KIRREL3: variants seen among roughly 807,000 people sequenced by gnomAD.
The protein encoded by KIRREL3 is kin of IRRE-like protein 3.
KIRREL3 carries 36 observed loss-of-function variants against 89.7 expected under a neutral mutation model. The ratio of observed to expected loss-of-function variants is 0.40; its 90% CI spans 0.31 to 0.53. KIRREL3 has a LOEUF of 0.53. Ranked by LOEUF, KIRREL3 falls within the 20% of genes least tolerant of loss-of-function variation. The probability of loss-of-function intolerance (pLI) is 0.49; values close to 1 mark genes in which losing one functional copy is unlikely to be tolerated. For synonymous variants in KIRREL3, 445 were observed against 441.4 expected, an observed-to-expected ratio of 1.01 and a Z score of -0.10; for missense variants, 864 against 1,056.6, an observed-to-expected ratio of 0.82 and a Z score of 2.53.
At chr11:126,732,385 C>G (rs1948654202) in intron 1 of KIRREL3, among the ~76,000 whole-genome samples, 1 of 152,170 alleles carries the variant, frequency 6.6e-6, no homozygotes, top group African/African-American at 2.4e-5. Context: ...ATGAGGACCC[C>G]TGAGAAAATA....
rs1382562785 is a variant in KIRREL3 at position 126,523,445 on chromosome 11, T to A, written c.284-1981A>T. Among the ~76,000 whole-genome samples, 1 of 151,988 alleles carries A rather than the reference T, an allele frequency of 6.6e-6. No individual in the cohort carries two copies. Among genetic ancestry groups the A allele is most frequent in the African/African-American group, 2.4e-5 (1 of 41,370 alleles). ...CCAGCCTTCCTGGCATGCTCTGGAG[T>A]GCTTCCTGTGCAGCTGGGCCCTTCA... is the stretch of plus-strand genomic sequence containing the variant. On this transcript the variant is annotated intron_variant, in intron 3 of 16. Transcript: ENST00000525144. This position sits in a 1 kb window ranked among gnomAD's most constrained non-coding sequence, Gnocchi z 4.9.
intron 1 of KIRREL3, among the ~76,000 whole-genome samples, chr11:126,634,031 C>A (rs1944161675): frequency 6.6e-6 from 1 of 152,334 alleles, no homozygotes; most frequent in Non-Finnish European, 1.5e-5. Context: ...CTGGGGCATC[C>A]TTCCCTCCTG....
chr11:126,850,535 C>G (rs1944306534), intron 1 of KIRREL3, among the ~76,000 whole-genome samples: 1 of 152,182 alleles, frequency 6.6e-6, no homozygotes, highest in South Asian at 2.1e-4. Context: ...ACTGCTGCCT[C>G]TTTTTTAACA....
At position 126,909,728 on chromosome 11, in the gene KIRREL3, C is replaced by T. The variant is rs1310094787; in HGVS notation, c.55+90727G>A. Among the ~76,000 whole-genome samples the T allele has an allele frequency of 6.6e-6, 1 of 152,118 alleles. No homozygotes were observed. Among genetic ancestry groups the T allele is most frequent in the East Asian group, 1.9e-4 (1 of 5,178 alleles). ...GGCAGGATCTTGACCTCAGAGATGACCTTTTGCCATCATTGTCTCAGCTTT... is the reference window on the plus strand; with the variant it reads ...GGCAGGATCTTGACCTCAGAGATGATCTTTTGCCATCATTGTCTCAGCTTT... On this transcript the variant is annotated intron_variant, in intron 1 of 16. Coordinates refer to ENST00000525144, the MANE Select transcript of KIRREL3 (RefSeq NM_032531.4). The surrounding 1 kb of genome is among the most constrained non-coding windows in gnomAD (Gnocchi z 4.5).
rs779077392 is a variant in KIRREL3, at chr11:126,463,193, C to T, written c.706G>A (p.Gly236Arg). Reference sequence around the variant, plus strand: ...ATGGTGACCGACGTCTCCTTTCCTCCGGGGATGGCTTTGTTGGTGGCACGA... The same window carrying T: ...ATGGTGACCGACGTCTCCTTTCCTCTGGGGATGGCTTTGTTGGTGGCACGA... ...VCRATNKAIP[G>R]GKETSVTIDI... Residue 236 changes from glycine to arginine, a missense_variant, in exon 6 of 17, where the codon GGA becomes AGA. Transcript: ENST00000525144. This position sits in a 1 kb window ranked among gnomAD's most constrained non-coding sequence, Gnocchi z 5.9. 50 of 1,613,670 alleles carry T rather than the reference C, an allele frequency of 3.1e-5. No individual in the cohort carries two copies. Among genetic ancestry groups the T allele is most frequent in the Admixed American group, 5.0e-5 (3 of 60,010 alleles).
Position 126,709,267 on chromosome 11 carries a change from T to C in KIRREL3, c.56-146355A>G, listed in dbSNP as rs931773655. 7.2e-5 allele frequency among the ~76,000 whole-genome samples: 11 copies of C among 152,198 alleles called. No individual in the cohort carries two copies. The highest frequency in any genetic ancestry group is 2.4e-4 in the African/African-American group (10 of 41,458). ...AACTCGCCCCAAAATATGGCTGCCTTGACTAGTTGGCTTTATCATCTCCTC... is the reference window on the plus strand; with the variant it reads ...AACTCGCCCCAAAATATGGCTGCCTCGACTAGTTGGCTTTATCATCTCCTC... On this transcript the variant is annotated intron_variant, in intron 1 of 16. Coordinates refer to ENST00000525144, the MANE Select transcript of KIRREL3 (RefSeq NM_032531.4). This position sits in a 1 kb window ranked among gnomAD's most constrained non-coding sequence, Gnocchi z 4.0.
chr11:126,471,057 C>T lies in KIRREL3; in HGVS notation c.591+2252G>A, dbSNP rs1217447293. Among the ~76,000 whole-genome samples, 2 of 152,074 alleles carry T rather than the reference C, an allele frequency of 1.3e-5. No individual in the cohort carries two copies. The highest frequency in any genetic ancestry group is 2.9e-5 in the Non-Finnish European group (2 of 68,034). ...GGCCAACAGATCAGGAGACAACTGC[C>T]GTTGAAAAGACAGTTTGCGGCCGGG... On this transcript the variant is annotated intron_variant, in intron 5 of 16. Transcript: ENST00000525144. The surrounding 1 kb of genome is among the most constrained non-coding windows in gnomAD (Gnocchi z 5.4).
intron 1 of KIRREL3, among the ~76,000 whole-genome samples, chr11:126,792,519 T>C (rs575993900): frequency 2.0e-5 from 3 of 152,328 alleles, no homozygotes; most frequent in African/African-American, 7.2e-5. Context: ...GTTGAATCTT[T>C]ACCTGTCTAA....
rs1592351676 is a variant in KIRREL3 at position 126,917,902 on chromosome 11, G to T, written c.55+82553C>A. 6.6e-6 allele frequency among the ~76,000 whole-genome samples: 1 copy of T among 152,176 alleles called. No individual in the cohort carries two copies. The highest frequency in any genetic ancestry group is 6.5e-5 in the Admixed American group (1 of 15,280). On this transcript the variant is annotated intron_variant, in intron 1 of 16. Transcript: ENST00000525144. The surrounding 1 kb of genome is among the most constrained non-coding windows in gnomAD (Gnocchi z 5.0). Reference sequence around the variant, plus strand: ...ACCCCAGTTGCACGCTTTGGTAATTGTTGAACTCGATTTCACTTGGTGTGT... The same window carrying T: ...ACCCCAGTTGCACGCTTTGGTAATTTTTGAACTCGATTTCACTTGGTGTGT...
At chr11:126,717,142 C>A (rs927436447) in intron 1 of KIRREL3, among the ~76,000 whole-genome samples, 4 of 152,160 alleles carry the variant, frequency 2.6e-5, no homozygotes, top group African/African-American at 9.7e-5. Context: ...TTCCTTAGAC[C>A]TTCACGCTGG....
intron 4 of KIRREL3, among the ~76,000 whole-genome samples, chr11:126,483,042 C>T (rs914809702): frequency 1.3e-5 from 2 of 152,232 alleles, no homozygotes; most frequent in African/African-American, 2.4e-5. Flanking sequence ...CCTTCCTGGG[C>T]GAGAGCTAGC....
At chr11:126,467,235 G>C (rs182579562) in intron 5 of KIRREL3, among the ~76,000 whole-genome samples, 755 of 152,300 alleles carry the variant, frequency 5.0e-3, no homozygotes, top group African/African-American at 0.017. Context: ...CCGCCTCAGG[G>C]CTGTGCACCC....
rs558284414 is a variant in KIRREL3 at position 126,589,381 on chromosome 11, G to A, written c.56-26469C>T. ...CTGTGGCCAGCTTTGTCCGGGAACT[G>A]TGCTGCTCCTGGTCCAGGCAGGCAG... On this transcript the variant is annotated intron_variant, in intron 1 of 16. Coordinates refer to ENST00000525144, the MANE Select transcript of KIRREL3 (RefSeq NM_032531.4). Among the ~76,000 whole-genome samples the A allele has an allele frequency of 8.5e-4, 130 of 152,356 alleles. 1 individual carries two copies. The South Asian group carries it at 0.026, about 30-fold the overall frequency.
At chr11:126,745,124 T>G (rs1949101310) in intron 1 of KIRREL3, among the ~76,000 whole-genome samples, 2 of 152,108 alleles carry the variant, frequency 1.3e-5, no homozygotes, top group African/African-American at 4.8e-5. Flanking sequence ...TCATGGGACC[T>G]CCTTCCAAAT....
intron 9 of KIRREL3, among the ~76,000 whole-genome samples, chr11:126,446,300 T>TTCTTTCTTTCTTTCTC (rs1565457865): frequency 1.3e-5 from 2 of 148,780 alleles, no homozygotes; most frequent in African/African-American, 5.0e-5. Flanking sequence ...CTTTCTTTCT[T>TTCTTTCTTTCTTTCTC]TCTCTCTCTC....
At position 126,609,005 on chromosome 11, in the gene KIRREL3, A is replaced by G. The variant is rs1012000786; in HGVS notation, c.56-46093T>C. The stretch of plus-strand genomic sequence containing the variant: ...ATCAGGCCAGAGGGGTATTTGTTGC[A>G]GAAGAGAAATGTGATGCAATTAGTA... On this transcript the variant is annotated intron_variant, in intron 1 of 16. Coordinates refer to ENST00000525144, the MANE Select transcript of KIRREL3 (RefSeq NM_032531.4). This position sits in a 1 kb window ranked among gnomAD's most constrained non-coding sequence, Gnocchi z 5.0. Among the ~76,000 whole-genome samples the G allele has an allele frequency of 6.6e-6, 1 of 152,220 alleles. No individual in the cohort carries two copies. Among genetic ancestry groups the G allele is most frequent in the Non-Finnish European group, 1.5e-5 (1 of 68,042 alleles).
chr11:126,907,719 G>A (rs1015831725), intron 1 of KIRREL3, among the ~76,000 whole-genome samples: 1 of 152,148 alleles, frequency 6.6e-6, no homozygotes, highest in Admixed American at 6.5e-5. Context: ...GACAGGAAAT[G>A]AGACTGAAGT....
In KIRREL3 at chr11:126,904,937, G is replaced by GGATGATGAT. The variant is rs138130651; in HGVS notation, c.55+95509_55+95517dup. 4.0e-5 allele frequency among the ~76,000 whole-genome samples: 6 copies of GGATGATGAT among 151,146 alleles called. No individual in the cohort carries two copies. The highest frequency in any genetic ancestry group is 7.4e-5 in the Non-Finnish European group (5 of 67,850). ...ATAAATAACTGACTATCCATGATGG[G>GGATGATGAT]GATGATGATGATGATGATGATGATG... is the stretch of plus-strand genomic sequence containing the variant. On this transcript the variant is annotated intron_variant, in intron 1 of 16. Transcript: ENST00000525144. The surrounding 1 kb of genome is among the most constrained non-coding windows in gnomAD (Gnocchi z 4.4).
chr11:126,747,019 T>C lies in KIRREL3; in HGVS notation c.56-184107A>G, dbSNP rs1949174946. Among the ~76,000 whole-genome samples, 1 of 152,194 alleles carries C rather than the reference T, an allele frequency of 6.6e-6. No individual in the cohort carries two copies. The highest frequency in any genetic ancestry group is 1.5e-5 in the Non-Finnish European group (1 of 68,046). ...TGCTTCCAGGGTATATTCTGAAGCA[T>C]AGACATGCTTCTGCCATCTTGGCTT... On this transcript the variant is annotated intron_variant, in intron 1 of 16. Coordinates refer to ENST00000525144, the MANE Select transcript of KIRREL3 (RefSeq NM_032531.4). This position sits in a 1 kb window ranked among gnomAD's most constrained non-coding sequence, Gnocchi z 4.7.
Sources: gnomAD v4.1 joint callset for allele counts (sites outside exome capture counted in the v4.1 genomes callset) on GRCh38, gnomAD v4.1.1 for gene constraint, Gnocchi (gnomAD v3.1) non-coding constraint, MANE v1.5 for transcripts, NCBI Gene and HGNC (gene_info 2026-07-23, HGNC 2026-07-21) for gene names.